Variants in COL26A1 observed in about 807,000 individuals in gnomAD.
The protein encoded by COL26A1 is collagen type XXVI alpha 1 chain.
In COL26A1, 41 loss-of-function variants were observed where a neutral mutation model predicts 59.3. The observed-to-expected ratio is 0.69, with a 90% confidence interval of 0.54 to 0.90. The LOEUF (loss-of-function observed/expected upper bound fraction) is 0.90. Among genes scored for constraint, COL26A1 ranks in the 40% least tolerant of loss-of-function variants. The pLI, the probability that COL26A1 is intolerant of heterozygous loss-of-function variation, is 0.00. For synonymous variants in COL26A1, 266 were observed against 256.0 expected, an observed-to-expected ratio of 1.04 and a Z score of -0.37; for missense variants, 612 against 602.3, an observed-to-expected ratio of 1.02 and a Z score of -0.17.
rs116269600 is a variant in COL26A1 at position 101,497,949 on chromosome 7, G to A, written c.386-35133G>A. ...CAGGGAGCTTTGATTGCACCACCGC[G>A]CTCTAGCCTGGGCAACAGAGCGAGA... is the stretch of plus-strand genomic sequence containing the variant. On this transcript the variant is annotated intron_variant, in intron 3 of 12. Coordinates refer to ENST00000313669, the MANE Select transcript of COL26A1 (RefSeq NM_001278563.3). 9.0e-3 allele frequency among the ~76,000 whole-genome samples: 1,365 copies of A among 152,204 alleles called. 18 individuals are homozygous for A. Among genetic ancestry groups the A allele is most frequent in the African/African-American group, 0.031 (1,282 of 41,500 alleles).
At chr7:101,385,582 G>A (rs978608530) in intron 1 of COL26A1, among the ~76,000 whole-genome samples, 1 of 151,934 alleles carries the variant, frequency 6.6e-6, no homozygotes, top group Non-Finnish European at 1.5e-5. Flanking sequence ...TGTTGGCCAG[G>A]CTGGTCTCGA....
chr7:101,478,614 T>G (rs920061700), intron 3 of COL26A1, among the ~76,000 whole-genome samples: 18 of 152,248 alleles, frequency 1.2e-4, no homozygotes, highest in Admixed American at 1.1e-3. Flanking sequence ...TATGTCATAT[T>G]TGCTTCAGTG....
chr7:101,402,407 G>A (rs1424558783), intron 1 of COL26A1, among the ~76,000 whole-genome samples: 1 of 152,082 alleles, frequency 6.6e-6, no homozygotes, highest in South Asian at 2.1e-4. Flanking sequence ...CCAGCTTGCC[G>A]TGCCAGCTTG....
At chr7:101,452,057 A>T (rs1793353599) in intron 3 of COL26A1, among the ~76,000 whole-genome samples, 1 of 152,158 alleles carries the variant, frequency 6.6e-6, no homozygotes, top group South Asian at 2.1e-4. Context: ...CCAACTTGGC[A>T]GAATCTGAGC....
chr7:101,413,380 A>G (rs1343235474), intron 1 of COL26A1, among the ~76,000 whole-genome samples: 1 of 152,014 alleles, frequency 6.6e-6, no homozygotes, highest in Admixed American at 6.6e-5. Flanking sequence ...TTAGCCGGGT[A>G]TGGTGGCGGG....
chr7:101,504,448 T>G (rs1794765580), intron 3 of COL26A1, among the ~76,000 whole-genome samples: 1 of 152,056 alleles, frequency 6.6e-6, no homozygotes, highest in African/African-American at 2.4e-5. Flanking sequence ...CATGTTGGGA[T>G]TAGGGACCAG....
intron 1 of COL26A1, among the ~76,000 whole-genome samples, chr7:101,370,929 C>A (rs900265965): frequency 7.9e-5 from 12 of 151,090 alleles, no homozygotes; most frequent in African/African-American, 2.9e-4. Context: ...GTAGCCCCTG[C>A]ATCTGTGATT....
intron 1 of COL26A1, among the ~76,000 whole-genome samples, chr7:101,376,097 A>G (rs12534721): frequency 0.47 from 69,767 of 149,260 alleles, 18,431 homozygotes; most frequent in Admixed American, 0.61. Flanking sequence ...GCCCAGAAGC[A>G]TGAGCCCAGC....
intron 3 of COL26A1, among the ~76,000 whole-genome samples, chr7:101,463,653 TCCTTCCA>T (rs1793672686): frequency 9.4e-6 from 1 of 106,848 alleles, no homozygotes; most frequent in African/African-American, 3.5e-5. Context: ...CATCCTTCCA[TCCTTCCA>T]TCCTTCCTTC....
intron 1 of COL26A1, 40 bp from the exon 2 acceptor site, chr7:101,419,937 G>C (rs1356509488): frequency 6.2e-7 from 1 of 1,603,316 alleles, no homozygotes; most frequent in Non-Finnish European, 8.5e-7. Context: ...GGCAGCTCTG[G>C]GAACAGGCAG....
intron 3 of COL26A1, among the ~76,000 whole-genome samples, chr7:101,464,220 C>A (rs1480732489): frequency 6.6e-6 from 1 of 151,916 alleles, no homozygotes; most frequent in Non-Finnish European, 1.5e-5. Flanking sequence ...CCCATATCAG[C>A]TTTCCAAACT....
intron 4 of COL26A1, among the ~76,000 whole-genome samples, chr7:101,533,806 A>C (rs1404636046): frequency 6.6e-6 from 1 of 152,180 alleles, no homozygotes. Context: ...CCTTAGGGCG[A>C]TGAAGCCAGG....
In COL26A1 at chr7:101,432,641, G is replaced by A. The variant is rs956470576; in HGVS notation, c.281+12542G>A. Reference sequence around the variant, plus strand: ...CTGAGTCCCAGGAAGAAGCCAGAGCGAGAGGCAGATTATATCTCAGAGATC... The same window carrying A: ...CTGAGTCCCAGGAAGAAGCCAGAGCAAGAGGCAGATTATATCTCAGAGATC... On this transcript the variant is annotated intron_variant, in intron 2 of 12. Coordinates refer to ENST00000313669, the MANE Select transcript of COL26A1 (RefSeq NM_001278563.3). Among the ~76,000 whole-genome samples, 12 of 152,186 alleles carry A rather than the reference G, an allele frequency of 7.9e-5. No homozygotes were observed. In the East Asian group the frequency reaches 1.3e-3, roughly 17 times the overall value.
intron 1 of COL26A1, among the ~76,000 whole-genome samples, chr7:101,381,859 C>A (rs1433808157): frequency 6.6e-6 from 1 of 151,958 alleles, no homozygotes. Flanking sequence ...TTTGGCCAAA[C>A]ACACAAACGG....
chr7:101,468,946 G>A lies in COL26A1; in HGVS notation c.385+21159G>A, dbSNP rs559714005. 3.3e-5 allele frequency among the ~76,000 whole-genome samples: 5 copies of A among 152,320 alleles called. No homozygotes were observed. The South Asian group carries it at 1.0e-3, about 32-fold the overall frequency. On this transcript the variant is annotated intron_variant, in intron 3 of 12. Coordinates refer to ENST00000313669, the MANE Select transcript of COL26A1 (RefSeq NM_001278563.3). ...GCCCTGCTGCACCGGGTGGACCTTG[G>A]CCAAGTCACAGCCTCGCAGGGCCTC...
intron 2 of COL26A1, among the ~76,000 whole-genome samples, chr7:101,425,750 G>T (rs1384721903): frequency 6.6e-6 from 1 of 150,820 alleles, no homozygotes; most frequent in Non-Finnish European, 1.5e-5. Flanking sequence ...CAAATGATCG[G>T]CCTCCCTCGG....
chr7:101,380,770 GC>G (rs1791428142), intron 1 of COL26A1, among the ~76,000 whole-genome samples: 1 of 152,098 alleles, frequency 6.6e-6, no homozygotes, highest in Non-Finnish European at 1.5e-5. Flanking sequence ...CCCTTTACTT[GC>G]CCTTCAGGAT....
chr7:101,525,695 A>G (rs983412093), intron 3 of COL26A1, among the ~76,000 whole-genome samples: 8 of 151,074 alleles, frequency 5.3e-5, no homozygotes, highest in African/African-American at 2.0e-4. Flanking sequence ...ACGGGGTTTC[A>G]CTGTGTTAGC....
At chr7:101,430,921 G>A (rs757699419) in intron 2 of COL26A1, among the ~76,000 whole-genome samples, 2 of 151,996 alleles carry the variant, frequency 1.3e-5, no homozygotes, top group Non-Finnish European at 1.5e-5. Context: ...AGCCTCCCGA[G>A]TAGCTGGGAT....
Sources: gnomAD v4.1 joint callset for allele counts (sites outside exome capture counted in the v4.1 genomes callset) on GRCh38, gnomAD v4.1.1 for gene constraint, MANE v1.5 for transcripts, NCBI Gene and HGNC (gene_info 2026-07-23, HGNC 2026-07-21) for gene names.